Variants in ASCC1 observed in about 807,000 individuals in gnomAD.
ASCC1 encodes the protein ASC-1 complex subunit P50.
A neutral mutation model predicts 46.6 loss-of-function variants in ASCC1; 35 were observed. That is an observed-to-expected ratio of 0.75 (90% confidence interval 0.57 to 0.99). The LOEUF (loss-of-function observed/expected upper bound fraction) is 0.99. Among genes scored for constraint, ASCC1 ranks in the 50% least tolerant of loss-of-function variants. The pLI is 0.00. For missense variants in ASCC1, 376 were observed against 428.7 expected, an observed-to-expected ratio of 0.88 and a Z score of 1.09; for synonymous variants, 143 against 146.6, an observed-to-expected ratio of 0.98 and a Z score of 0.18.
intron 2 of ASCC1, among the ~76,000 whole-genome samples, chr10:72,212,961 A>G (rs1411902665): frequency 1.3e-5 from 2 of 152,136 alleles, no homozygotes; most frequent in East Asian, 3.8e-4. Flanking sequence ...TGATATTTAA[A>G]CCTCTGTACA....
chr10:72,104,854 C>T (rs1041817812), intron 9 of ASCC1, among the ~76,000 whole-genome samples: 3 of 152,026 alleles, frequency 2.0e-5, no homozygotes, highest in East Asian at 1.9e-4. Flanking sequence ...CTGACTTGGA[C>T]GATTTAAGAA....
At chr10:72,104,130 A>G (rs1367986315) in intron 9 of ASCC1, among the ~76,000 whole-genome samples, 1 of 152,152 alleles carries the variant, frequency 6.6e-6, no homozygotes, top group African/African-American at 2.4e-5. Flanking sequence ...TCACACCCAG[A>G]CAGCCTCACT....
intron 5 of ASCC1, among the ~76,000 whole-genome samples, chr10:72,190,797 A>C (rs1030672450): frequency 6.6e-5 from 10 of 151,872 alleles, no homozygotes; most frequent in Non-Finnish European, 1.5e-4. Context: ...AGAGATCGAG[A>C]CCATCCTGGC....
At chr10:72,121,226 C>T (rs1021843046) in intron 9 of ASCC1, among the ~76,000 whole-genome samples, 7 of 152,128 alleles carry the variant, frequency 4.6e-5, no homozygotes, top group African/African-American at 1.7e-4. Context: ...TCACTGTAGC[C>T]TCAACCTCCC....
chr10:72,121,163 C>T (rs954945326), intron 9 of ASCC1, among the ~76,000 whole-genome samples: 5 of 151,884 alleles, frequency 3.3e-5, no homozygotes, highest in East Asian at 1.9e-4. Context: ...ATTTATTTTG[C>T]GACAGGGTCT....
intron 4 of ASCC1, among the ~76,000 whole-genome samples, chr10:72,199,844 ACCT>A (rs1231317377): frequency 6.6e-6 from 1 of 151,280 alleles, no homozygotes; most frequent in African/African-American, 2.4e-5. Flanking sequence ...AGATCCTCCC[ACCT>A]CAGCCTCCCA....
intron 9 of ASCC1, among the ~76,000 whole-genome samples, chr10:72,124,427 G>A (rs1182653819): frequency 6.6e-6 from 1 of 152,108 alleles, no homozygotes; most frequent in East Asian, 1.9e-4. Flanking sequence ...CTTCTCTGAT[G>A]AGTACAACCT....
intron 7 of ASCC1, chr10:72,133,481 G>C: frequency 5.4e-6 from 2 of 370,014 alleles, no homozygotes; most frequent in Non-Finnish European, 1.0e-5. Context: ...ACATAGTCTG[G>C]AATGATCATT....
At chr10:72,195,534 T>C (rs1293782872) in intron 5 of ASCC1, among the ~76,000 whole-genome samples, 2 of 151,980 alleles carry the variant, frequency 1.3e-5, no homozygotes, top group Non-Finnish European at 2.9e-5. Flanking sequence ...TAAGATTATA[T>C]ACAAGCTAAA....
chr10:72,186,680 C>T (rs11000208), intron 5 of ASCC1, among the ~76,000 whole-genome samples: 21,729 of 152,066 alleles, frequency 0.14, 4,427 homozygotes, highest in African/African-American at 0.45. Flanking sequence ...AGATAATGGT[C>T]CCTTACTGAT....
chr10:72,107,740 T>C (rs538069719), intron 9 of ASCC1, among the ~76,000 whole-genome samples: 2 of 152,344 alleles, frequency 1.3e-5, no homozygotes, highest in Admixed American at 1.3e-4. Context: ...TGCTTTCCTA[T>C]TGTGAAAATA....
intron 5 of ASCC1, among the ~76,000 whole-genome samples, chr10:72,166,912 T>C (rs1441952243): frequency 3.3e-5 from 5 of 152,240 alleles, no homozygotes; most frequent in Non-Finnish European, 1.5e-5. Context: ...ATCAGAATTA[T>C]TATAATCAAA....
chr10:72,189,055 CGT>C (rs1253514647), intron 5 of ASCC1, among the ~76,000 whole-genome samples: 2 of 152,044 alleles, frequency 1.3e-5, no homozygotes, highest in African/African-American at 2.4e-5. Flanking sequence ...CCTCATCCAG[CGT>C]GTCTCTCATT....
chr10:72,213,128 G>C, intron 2 of ASCC1, 59 bp downstream of exon 2: 1 of 1,215,602 alleles, frequency 8.2e-7, no homozygotes, highest in Non-Finnish European at 1.2e-6. Context: ...ACAAAAAATT[G>C]ATCCTACAAT....
At chr10:72,107,424 G>A (rs779103213) in intron 9 of ASCC1, among the ~76,000 whole-genome samples, 11 of 151,870 alleles carry the variant, frequency 7.2e-5, no homozygotes, top group Non-Finnish European at 1.3e-4. Context: ...GGCCACCTGT[G>A]AGATTACTTC....
chr10:72,166,697 A>C (rs1850390444), intron 5 of ASCC1, among the ~76,000 whole-genome samples: 1 of 152,188 alleles, frequency 6.6e-6, no homozygotes. Context: ...CAAATCCTAC[A>C]TCTGATAAAT....
At chr10:72,173,459 C>G (rs1165733015) in intron 5 of ASCC1, among the ~76,000 whole-genome samples, 1 of 152,160 alleles carries the variant, frequency 6.6e-6, no homozygotes, top group Non-Finnish European at 1.5e-5. Context: ...TGGAGCAAGA[C>G]AAGGTACAGA....
intron 9 of ASCC1, among the ~76,000 whole-genome samples, chr10:72,099,176 C>T (rs1841431813): frequency 6.6e-6 from 1 of 152,204 alleles, no homozygotes; most frequent in African/African-American, 2.4e-5. Flanking sequence ...GGGGAGGCCA[C>T]AGTGAGAAGC....
At position 72,195,563 on chromosome 10, in the gene ASCC1, A is replaced by AT. The variant is rs900697146; in HGVS notation, c.489+1247dup. Among the ~76,000 whole-genome samples, 6 of 144,534 alleles carry AT rather than the reference A, an allele frequency of 4.2e-5. No individual in the cohort carries two copies. The East Asian group carries it at 9.9e-4, about 24-fold the overall frequency. The allele number at this position is 144,534 out of a possible 152,430, so 94.8% of individuals were successfully genotyped here. ...AGCTAAATTTTATTTTATTTTATTT[A>AT]TTTTTTTTTTGAGATGGATTTTTAC... On this transcript the variant is annotated intron_variant, in intron 5 of 9. Coordinates refer to ENST00000672957, the MANE Select transcript of ASCC1 (RefSeq NM_001198800.3).
Sources: gnomAD v4.1 joint callset for allele counts (sites outside exome capture counted in the v4.1 genomes callset) on GRCh38, gnomAD v4.1.1 for gene constraint, MANE v1.5 for transcripts, NCBI Gene and HGNC (gene_info 2026-07-23, HGNC 2026-07-21) for gene names.